Variants in GID4 observed in about 807,000 individuals in gnomAD.
GID4 encodes glucose-induced degradation protein 4 homolog.
In GID4, 7 loss-of-function variants were observed where a neutral mutation model predicts 32.4. That is an observed-to-expected ratio of 0.22 (90% confidence interval 0.12 to 0.41). The LOEUF is 0.41. GID4 is among the 10% of genes least tolerant of loss of function. The pLI is 1.00. For synonymous variants in GID4, 166 were observed against 170.0 expected (o/e 0.98, Z 0.18); for missense variants, 309 against 400.0 (o/e 0.77, Z 1.94).
At position 18,065,463 on chromosome 17, in the gene GID4, C is replaced by T. The variant is rs1341410031; in HGVS notation, c.*220C>T. On this transcript the variant is annotated 3_prime_UTR_variant, in exon 6 of 6. Coordinates refer to ENST00000268719, the MANE Select transcript of GID4 (RefSeq NM_024052.5). ...TCTTCGTTCTTCCTCCCCTCAGTGG[C>T]AGTTTGGTCTTCACCTGTTTTTAAG... is the stretch of plus-strand genomic sequence containing the variant. 7 of 570,704 alleles carry T rather than the reference C, an allele frequency of 1.2e-5. No homozygotes were observed. In the Admixed American group the frequency reaches 1.8e-4, roughly 15 times the overall value. The allele number at this position is 570,704 out of a possible 1,614,324, so 35.4% of individuals were successfully genotyped here.
Position 18,039,908 on chromosome 17 carries a change from C to G in GID4, c.438+6C>G, listed in dbSNP as rs771301487. On this transcript the variant is annotated splice_donor_region_variant and intron_variant, in intron 1 of 5. Transcript: ENST00000268719. The surrounding 1 kb of genome is among the most constrained non-coding windows in gnomAD (Gnocchi z 5.3). ...ACGTAGAGGTGGTGCTGCAGGTGAG[C>G]GCCGGGCCGGGCCGGGGCCCGAGGG... 5.7e-5 allele frequency: 79 copies of G among 1,387,118 alleles called. No individual in the cohort carries two copies. Among genetic ancestry groups the G allele is most frequent in the Non-Finnish European group, 7.2e-5 (76 of 1,059,632 alleles). The allele number at this position is 1,387,118 out of a possible 1,614,324, so 85.9% of individuals were successfully genotyped here.
chr17:18,054,339 G>T (rs1597695648), intron 3 of GID4, 105 bp downstream of exon 3: 1 of 664,924 alleles, frequency 1.5e-6, no homozygotes, highest in East Asian at 2.8e-5. Flanking sequence ...CTGGGGCTTT[G>T]CAACCAAGTA....
chr17:18,061,761 T>TAG lies in GID4; in HGVS notation c.709-82_709-81dup. ...TCCTATATTTTTCTCGAGTGGTCCTTAGAACCCCCTGATGCTTAACAGGGA... is the reference window on the plus strand; with the variant it reads ...TCCTATATTTTTCTCGAGTGGTCCTTAGAGAACCCCCTGATGCTTAACAGGGA... On this transcript the variant is annotated intron_variant, in intron 4 of 5. Transcript: ENST00000268719. The surrounding 1 kb of genome is among the most constrained non-coding windows in gnomAD (Gnocchi z 4.4). 1 of 1,364,790 alleles carries TAG rather than the reference T, an allele frequency of 7.3e-7. No individual in the cohort carries two copies. Among genetic ancestry groups the TAG allele is most frequent in the Non-Finnish European group, 1.0e-6 (1 of 962,408 alleles). 84.5% of individuals were successfully genotyped at this position (1,364,790 alleles called of 1,614,324 possible).
chr17:18,048,720 G>C (rs1273531612), intron 2 of GID4, among the ~76,000 whole-genome samples: 1 of 151,064 alleles, frequency 6.6e-6, no homozygotes, highest in African/African-American at 2.4e-5. Context: ...TCAGCTCACT[G>C]CAACTTCCAC....
intron 2 of GID4, among the ~76,000 whole-genome samples, chr17:18,048,477 G>A (rs563036546): frequency 6.6e-6 from 1 of 152,294 alleles, no homozygotes; most frequent in East Asian, 1.9e-4. Context: ...ACAGGCGTGA[G>A]CCAACGCACC....
chr17:18,043,992 G>T (rs1242003117), intron 1 of GID4, among the ~76,000 whole-genome samples: 1 of 152,144 alleles, frequency 6.6e-6, no homozygotes, highest in Non-Finnish European at 1.5e-5. Flanking sequence ...GTGGCTTCAG[G>T]TTGGTTAATT....
chr17:18,061,862 A>G lies in GID4; in HGVS notation c.726A>G (p.Pro242=). 1 of 1,614,158 alleles carries G rather than the reference A, an allele frequency of 6.2e-7. No homozygotes were observed. Among genetic ancestry groups the G allele is most frequent in the Non-Finnish European group, 8.5e-7 (1 of 1,180,010 alleles). ...GTGTGCAGGAACAGTTTCTGGTCCCAGATCACACGATCAAAGACATCAGTG... is the reference window on the plus strand; with the variant it reads ...GTGTGCAGGAACAGTTTCTGGTCCCGGATCACACGATCAAAGACATCAGTG... ...FMRWKEQFLV[P]DHTIKDISGA... Residue 242 remains proline, a synonymous_variant, in exon 5 of 6, where the codon CCA becomes CCG. Transcript: ENST00000268719. This position sits in a 1 kb window ranked among gnomAD's most constrained non-coding sequence, Gnocchi z 4.4.
intron 4 of GID4, among the ~76,000 whole-genome samples, chr17:18,060,630 G>A (rs1453704227): frequency 6.6e-6 from 1 of 150,866 alleles, no homozygotes; most frequent in Non-Finnish European, 1.5e-5. Flanking sequence ...TTGGCTCACT[G>A]CAACCTCCGT....
intron 2 of GID4, among the ~76,000 whole-genome samples, chr17:18,049,065 G>C (rs1020479987): frequency 6.6e-6 from 1 of 151,994 alleles, no homozygotes; most frequent in Non-Finnish European, 1.5e-5. Context: ...GCCAGGCACA[G>C]TGGCTCATGC....
intron 5 of GID4, among the ~76,000 whole-genome samples, 180 bp from the exon 6 acceptor site, chr17:18,065,000 C>CA (rs1250371466): frequency 6.6e-6 from 1 of 151,654 alleles, no homozygotes; most frequent in Non-Finnish European, 1.5e-5. Flanking sequence ...GAGGATTAAC[C>CA]AAAAAAAGAA....
At chr17:18,060,909 A>G (rs1331254854) in intron 4 of GID4, among the ~76,000 whole-genome samples, 1 of 151,816 alleles carries the variant, frequency 6.6e-6, no homozygotes, top group Admixed American at 6.6e-5. Context: ...AATTTTTTGT[A>G]TTTTTAGTAG....
Position 18,067,428 on chromosome 17 carries a change from C to G in GID4, c.*2185C>G, listed in dbSNP as rs1308372800. ...CTATGGCAGGATTTCTTCCTTCCTT[C>G]CTTTTTTACCCAGGTGATGAAGTGC... On this transcript the variant is annotated 3_prime_UTR_variant, in exon 6 of 6. Transcript: ENST00000268719. The G allele has an allele frequency of 6.6e-6, 1 of 152,184 alleles. No homozygotes were observed. Among genetic ancestry groups the G allele is most frequent in the African/African-American group, 2.4e-5 (1 of 41,430 alleles). The allele number at this position is 152,184 out of a possible 1,614,324, so 9.4% of individuals were successfully genotyped here.
intron 3 of GID4, chr17:18,057,290 G>A (rs951578418): frequency 2.6e-6 from 1 of 386,050 alleles, no homozygotes; most frequent in East Asian, 6.0e-5. Flanking sequence ...AAATTAACCA[G>A]GCATGGTGGC....
At chr17:18,048,206 C>CTT (rs919674515) in intron 2 of GID4, among the ~76,000 whole-genome samples, 1 of 129,578 alleles carries the variant, frequency 7.7e-6, no homozygotes, top group Non-Finnish European at 1.7e-5. Flanking sequence ...TGGCCGATAA[C>CTT]TTTTTTTTTT....
chr17:18,050,984 G>A (rs2044904086), intron 2 of GID4, among the ~76,000 whole-genome samples: 1 of 152,090 alleles, frequency 6.6e-6, no homozygotes, highest in African/African-American at 2.4e-5. Context: ...AGTGACTTCT[G>A]TACACACTGA....
At chr17:18,059,115 C>T (rs1258840035) in intron 4 of GID4, 146 bp downstream of exon 4, 2 of 595,764 alleles carry the variant, frequency 3.4e-6, no homozygotes, top group African/African-American at 1.9e-5. Flanking sequence ...AGGGTCTTTG[C>T]ACGCCTATAA....
chr17:18,065,626 G>C lies in GID4; in HGVS notation c.*383G>C, dbSNP rs187613009. 78 of 263,860 alleles carry C rather than the reference G, an allele frequency of 3.0e-4. No homozygotes were observed. Among genetic ancestry groups the C allele is most frequent in the African/African-American group, 1.7e-3 (76 of 43,992 alleles). 16.3% of individuals were successfully genotyped at this position (263,860 alleles called of 1,614,324 possible). ...CTCAGCCTTGGTGCTCAGTGGTCCC[G>C]AGGCCCTAGACCCCCACCCCCCGCC... On this transcript the variant is annotated 3_prime_UTR_variant, in exon 6 of 6. Transcript: ENST00000268719.
intron 2 of GID4, among the ~76,000 whole-genome samples, chr17:18,046,949 C>G (rs2044860150): frequency 6.6e-6 from 1 of 150,574 alleles, no homozygotes; most frequent in Non-Finnish European, 1.5e-5. Context: ...AAAAAAATCC[C>G]TGCTCTGTCT....
chr17:18,057,575 A>G (rs2044980515), intron 3 of GID4: 1 of 153,684 alleles, frequency 6.5e-6, no homozygotes, highest in Non-Finnish European at 1.4e-5. Flanking sequence ...AGCTGGAGGA[A>G]AAGGAGTCAT....
Sources: allele counts gnomAD v4.1 joint callset (sites outside exome capture counted in the v4.1 genomes callset), GRCh38; gene constraint gnomAD v4.1.1; non-coding constraint Gnocchi (gnomAD v3.1); transcripts MANE v1.5; gene names NCBI Gene and HGNC (gene_info 2026-07-23, HGNC 2026-07-21).